TNFSF4: variants seen among roughly 807,000 people sequenced by gnomAD.
TNFSF4 encodes tumor necrosis factor ligand superfamily member 4.
TNFSF4 carries 4 observed loss-of-function variants against 7.3 expected under a neutral mutation model. That is an observed-to-expected ratio of 0.55 (90% CI 0.27 to 1.25). The LOEUF is 1.25. Among genes scored for constraint, TNFSF4 ranks in the 50% most tolerant of loss-of-function variants. The pLI is 0.12. For synonymous variants in TNFSF4, 76 were observed against 83.7 expected, an observed-to-expected ratio of 0.91 and a Z score of 0.50; for missense variants, 181 against 208.8, an observed-to-expected ratio of 0.87 and a Z score of 0.82.
the TNFSF4 span, among the ~76,000 whole-genome samples, chr1:173,256,182 C>G: frequency 6.6e-6 from 1 of 152,092 alleles, no homozygotes; most frequent in Non-Finnish European, 1.5e-5. Flanking sequence ...ACATAGTCAC[C>G]AGATTCTGAG....
chr1:173,292,644 G>A, the TNFSF4 span, among the ~76,000 whole-genome samples: 1 of 149,770 alleles, frequency 6.7e-6, no homozygotes. Context: ...GGAAGCCAGA[G>A]CAATCAGGAA....
chr1:173,373,565 T>A, the TNFSF4 span, among the ~76,000 whole-genome samples: 1 of 152,180 alleles, frequency 6.6e-6, no homozygotes, highest in Non-Finnish European at 1.5e-5. Context: ...AGAACACTCA[T>A]CAAATGGCCA....
the TNFSF4 span, among the ~76,000 whole-genome samples, chr1:173,238,686 T>TTGG: frequency 6.7e-6 from 1 of 149,086 alleles, no homozygotes; most frequent in Non-Finnish European, 1.5e-5. Flanking sequence ...GAAATAAAAA[T>TTGG]CAAAACCACA....
the TNFSF4 span, among the ~76,000 whole-genome samples, chr1:173,283,927 CAAA>C: frequency 2.1e-4 from 13 of 62,408 alleles, no homozygotes; most frequent in Non-Finnish European, 2.3e-4. Context: ...CTTATGAATG[CAAA>C]AAAAAAAAAA....
At chr1:173,416,189 G>A in the TNFSF4 span, among the ~76,000 whole-genome samples, 3 of 151,922 alleles carry the variant, frequency 2.0e-5, no homozygotes, top group African/African-American at 7.3e-5. Context: ...TAGCTCTCTG[G>A]GCACATGTAG....
the TNFSF4 span, among the ~76,000 whole-genome samples, chr1:173,358,868 G>C: frequency 6.6e-6 from 1 of 152,200 alleles, no homozygotes; most frequent in African/African-American, 2.4e-5. Flanking sequence ...ACTGCTATAT[G>C]CTGTTTAAAG....
chr1:173,291,041 A>T, the TNFSF4 span, among the ~76,000 whole-genome samples: 7 of 152,180 alleles, frequency 4.6e-5, no homozygotes, highest in African/African-American at 1.7e-4. Flanking sequence ...ATAAAGAAAT[A>T]CCTGTGGCTG....
chr1:173,321,760 A>C, the TNFSF4 span, among the ~76,000 whole-genome samples: 7,315 of 152,070 alleles, frequency 0.048, 482 homozygotes, highest in African/African-American at 0.15. Flanking sequence ...TCAAAACCAC[A>C]ATGACTTACC....
intron 1 of TNFSF4, among the ~76,000 whole-genome samples, chr1:173,189,113 G>A (rs1427921786): frequency 6.6e-6 from 1 of 152,076 alleles, no homozygotes. Context: ...GGACTATTGT[G>A]CTCCTTCATG....
chr1:173,198,769 G>A (rs890104983), intron 1 of TNFSF4, among the ~76,000 whole-genome samples: 1 of 152,152 alleles, frequency 6.6e-6, no homozygotes, highest in Non-Finnish European at 1.5e-5. Flanking sequence ...GTTAAAAAAA[G>A]ATGATCCCTA....
the TNFSF4 span, among the ~76,000 whole-genome samples, chr1:173,279,499 A>G: frequency 1.8e-4 from 27 of 152,100 alleles, no homozygotes; most frequent in African/African-American, 6.3e-4. Context: ...AGCTTCACAT[A>G]TCCAACTGCC....
At chr1:173,441,468 C>T in the TNFSF4 span, among the ~76,000 whole-genome samples, 1 of 151,964 alleles carries the variant, frequency 6.6e-6, no homozygotes, top group Non-Finnish European at 1.5e-5. Flanking sequence ...ACTAAAAATA[C>T]AAAAAATTAG....
At chr1:173,227,989 C>G in the TNFSF4 span, among the ~76,000 whole-genome samples, 1 of 152,204 alleles carries the variant, frequency 6.6e-6, no homozygotes, top group Non-Finnish European at 1.5e-5. Context: ...CTGCCTGCAT[C>G]TGTAGACTCC....
At chr1:173,222,843 C>A in the TNFSF4 span, among the ~76,000 whole-genome samples, 4 of 152,164 alleles carry the variant, frequency 2.6e-5, no homozygotes, top group Non-Finnish European at 5.9e-5. Context: ...AAAAGCAAGA[C>A]CATGGTGAGA....
the TNFSF4 span, among the ~76,000 whole-genome samples, chr1:173,272,544 G>A: frequency 7.9e-5 from 12 of 152,190 alleles, no homozygotes; most frequent in African/African-American, 2.6e-4. Flanking sequence ...CTTGTTTGAT[G>A]AGAGGAAGGA....
the TNFSF4 span, among the ~76,000 whole-genome samples, chr1:173,178,288 AT>A: frequency 1.3e-5 from 2 of 152,304 alleles, no homozygotes; most frequent in Admixed American, 1.3e-4. Context: ...TAAAAGTTGA[AT>A]ATCAGGTCAG....
the TNFSF4 span, among the ~76,000 whole-genome samples, chr1:173,378,563 A>G: frequency 8.9e-4 from 135 of 152,256 alleles, no homozygotes; most frequent in Non-Finnish European, 1.1e-3. Flanking sequence ...TGGCCCCAAT[A>G]TTCTCTCTCT....
chr1:173,315,348 A>T, the TNFSF4 span, among the ~76,000 whole-genome samples: 1 of 152,184 alleles, frequency 6.6e-6, no homozygotes, highest in African/African-American at 2.4e-5. Flanking sequence ...TAAATAAATC[A>T]GACGTTCCAT....
intron 1 of TNFSF4, among the ~76,000 whole-genome samples, chr1:173,189,868 A>T (rs1440500728): frequency 2.0e-5 from 3 of 152,042 alleles, no homozygotes; most frequent in African/African-American, 4.8e-5. Context: ...CTAATTTTTT[A>T]AAAAGTTTTG....
Sources: allele counts gnomAD v4.1 joint callset (sites outside exome capture counted in the v4.1 genomes callset), GRCh38; gene constraint gnomAD v4.1.1; transcripts MANE v1.5; gene names NCBI Gene and HGNC (gene_info 2026-07-23, HGNC 2026-07-21).